Variants in FBXL13 observed in about 807,000 individuals in gnomAD.
The protein encoded by FBXL13 is F-box and leucine rich repeat protein 13.
In FBXL13, 67 loss-of-function variants were observed where a neutral mutation model predicts 83.6. That is an observed-to-expected ratio of 0.80 (90% CI 0.66 to 0.98). The LOEUF is 0.98. Ranked by LOEUF, FBXL13 falls within the 50% of genes least tolerant of loss-of-function variation. The pLI is 0.00. For missense variants in FBXL13, 822 were observed against 866.5 expected (o/e 0.95, Z 0.64); for synonymous variants, 272 against 299.5 (o/e 0.91, Z 0.95).
chr7:102,847,896 A>G (rs971271565), intron 17 of FBXL13, among the ~76,000 whole-genome samples: 4 of 152,194 alleles, frequency 2.6e-5, no homozygotes, highest in South Asian at 2.1e-4. Context: ...CTAGAAATGT[A>G]TAATCACATA....
intron 1 of FBXL13, among the ~76,000 whole-genome samples, chr7:103,069,536 CAG>C (rs1266393742): frequency 1.3e-5 from 2 of 152,148 alleles, no homozygotes; most frequent in African/African-American, 4.8e-5. Context: ...TCTGAGGAGA[CAG>C]AGACTGGCTA....
intron 11 of FBXL13, among the ~76,000 whole-genome samples, chr7:102,902,131 C>CG (rs1412528660): frequency 1.7e-4 from 26 of 152,094 alleles, no homozygotes; most frequent in Admixed American, 1.7e-3. Context: ...GCCATTTTAA[C>CG]GGGGGTAAGA....
At chr7:103,028,621 C>G in exon 4 of FBXL13, 1 of 1,576,722 alleles carries the variant, frequency 6.3e-7, no homozygotes. Flanking sequence ...TCTTTCTGGT[C>G]TTCCATATAA....
At chr7:103,029,320 G>C (rs755561107) in intron 3 of FBXL13, 31 bp downstream of exon 4, 2 of 1,377,436 alleles carry the variant, frequency 1.5e-6, no homozygotes, top group Non-Finnish European at 1.0e-6. Context: ...AAAACTCAAA[G>C]AGGAAGAAAT....
intron 6 of FBXL13, among the ~76,000 whole-genome samples, chr7:102,994,554 G>A (rs1829901807): frequency 6.6e-6 from 1 of 152,160 alleles, no homozygotes; most frequent in South Asian, 2.1e-4. Flanking sequence ...ATTTCGAGAA[G>A]AGAGACTTTA....
At chr7:102,967,783 T>C (rs563596758) in intron 7 of FBXL13, among the ~76,000 whole-genome samples, 1 of 152,368 alleles carries the variant, frequency 6.6e-6, no homozygotes, top group South Asian at 2.1e-4. Context: ...CCAAAAATGA[T>C]ATTCATTTAT....
intron 6 of FBXL13, among the ~76,000 whole-genome samples, chr7:103,017,045 C>G (rs1338104456): frequency 6.6e-6 from 1 of 152,180 alleles, no homozygotes; most frequent in Non-Finnish European, 1.5e-5. Context: ...GGTCCCTGAC[C>G]TCCGAGTAGC....
intron 8 of FBXL13, among the ~76,000 whole-genome samples, chr7:102,959,379 A>G (rs1824814148): frequency 6.6e-6 from 1 of 152,020 alleles, no homozygotes; most frequent in Admixed American, 6.6e-5. Flanking sequence ...TTTCTTTCTC[A>G]TGCATGCTTT....
At chr7:103,047,656 T>C (rs2129494306) in intron 2 of FBXL13, among the ~76,000 whole-genome samples, 1 of 152,362 alleles carries the variant, frequency 6.6e-6, no homozygotes, top group Middle Eastern at 3.4e-3. Flanking sequence ...GTTGACAGTA[T>C]ATACTCAGAC....
chr7:102,887,094 G>A (rs1398764894), intron 11 of FBXL13, among the ~76,000 whole-genome samples: 1 of 152,168 alleles, frequency 6.6e-6, no homozygotes. Flanking sequence ...ACAAGTTAAT[G>A]TTTTAGGAGA....
At chr7:102,860,545 GAC>G (rs1262316059) in intron 16 of FBXL13, among the ~76,000 whole-genome samples, 1 of 152,170 alleles carries the variant, frequency 6.6e-6, no homozygotes, top group Non-Finnish European at 1.5e-5. Flanking sequence ...GCCAGGAACA[GAC>G]ACATGCACAC....
intron 6 of FBXL13, chr7:102,973,677 C>A (rs942233310): frequency 1.3e-6 from 1 of 766,324 alleles, no homozygotes; most frequent in African/African-American, 1.7e-5. Flanking sequence ...ACCCCTCCGC[C>A]CCAGAAAGCA....
intron 11 of FBXL13, among the ~76,000 whole-genome samples, chr7:102,897,800 T>G (rs1812438647): frequency 6.6e-6 from 1 of 152,016 alleles, no homozygotes; most frequent in Admixed American, 6.6e-5. Flanking sequence ...TCAAAGAATA[T>G]TTGAAAAAAG....
chr7:102,905,420 G>C (rs544103934), intron 11 of FBXL13, among the ~76,000 whole-genome samples: 2 of 152,104 alleles, frequency 1.3e-5, no homozygotes, highest in East Asian at 3.8e-4. Flanking sequence ...TCTGATATAA[G>C]TATAGTGACT....
intron 9 of FBXL13, among the ~76,000 whole-genome samples, 177 bp downstream of exon 10, chr7:102,931,704 A>G (rs1221429793): frequency 6.6e-6 from 1 of 152,248 alleles, no homozygotes; most frequent in Non-Finnish European, 1.5e-5. Flanking sequence ...ATACATCTAC[A>G]TGATTAATAT....
chr7:102,883,336 G>C, exon 14 of FBXL13: 1 of 1,612,866 alleles, frequency 6.2e-7, no homozygotes, highest in South Asian at 1.1e-5. Context: ...AACACAGTCA[G>C]TTGCTTCAAA....
At chr7:103,065,733 G>A (rs888759551) in intron 1 of FBXL13, among the ~76,000 whole-genome samples, 7 of 152,254 alleles carry the variant, frequency 4.6e-5, no homozygotes, top group Non-Finnish European at 5.9e-5. Context: ...TTCAGAGAAT[G>A]TGGAGTGTGG....
chr7:103,051,021 T>C (rs6951111), intron 2 of FBXL13, among the ~76,000 whole-genome samples: 1,811 of 151,476 alleles, frequency 0.012, 36 homozygotes, highest in African/African-American at 0.042. Flanking sequence ...TTTAGTAAGA[T>C]TTTGTCATTT....
Position 103,029,293 on chromosome 7 carries a change from G to A in FBXL13, c.68+58C>T, listed in dbSNP as rs980321257. 5.3e-5 allele frequency: 57 copies of A among 1,080,032 alleles called. No homozygotes were observed. In the African/African-American group the frequency reaches 6.9e-4, roughly 13 times the overall value. 66.9% of individuals were successfully genotyped at this position (1,080,032 alleles called of 1,614,324 possible). A position where few individuals can be genotyped will look rare whatever the true frequency, so the allele number is the denominator to read the frequency against. On this transcript the variant is annotated intron_variant, in intron 3 of 19. Transcript: ENST00000313221. ...GCCAAAAGTGAATTTTTCTTTGCAC[G>A]GAGAATATCAAGAATAAAAACTCAA...
Sources: gnomAD v4.1 joint callset for allele counts (sites outside exome capture counted in the v4.1 genomes callset) on GRCh38, gnomAD v4.1.1 for gene constraint, MANE v1.5 for transcripts, NCBI Gene and HGNC (gene_info 2026-07-23, HGNC 2026-07-21) for gene names.